Variants in DPY19L3 observed in about 807,000 individuals in gnomAD.
DPY19L3 encodes the protein protein C-mannosyl-transferase DPY19L3.
DPY19L3 carries 51 observed loss-of-function variants against 92.3 expected under a neutral mutation model. The observed-to-expected ratio is 0.55, with a 90% confidence interval of 0.44 to 0.70. The LOEUF is 0.70. DPY19L3 is among the 30% of genes least tolerant of loss of function. The pLI, the probability that DPY19L3 is intolerant of heterozygous loss-of-function variation, is 0.00. For missense variants in DPY19L3, 706 were observed against 855.9 expected, an observed-to-expected ratio of 0.82 and a Z score of 2.18; for synonymous variants, 309 against 315.2, an observed-to-expected ratio of 0.98 and a Z score of 0.21.
intron 18 of DPY19L3, chr19:32,480,867 G>A: frequency 2.1e-6 from 1 of 465,136 alleles, no homozygotes; most frequent in Non-Finnish European, 3.8e-6. Flanking sequence ...GGATTTTGCT[G>A]CTATAAACAA....
chr19:32,439,898 G>T lies in DPY19L3; in HGVS notation c.843G>T (p.Leu281=), dbSNP rs373066134. ...VLFTLDSLDM[L]PAVKATWLYG... ...TCACACTGGACTCCCTGGACATGCT[G>T]CCAGCAGTGAAGGTGAGCTTTGCTT... Residue 281 remains leucine (L), a synonymous_variant, in exon 8 of 19, where the codon CTG becomes CTT. Coordinates refer to ENST00000392250, the MANE Select transcript of DPY19L3 (RefSeq NM_001172774.2). 6.2e-7 allele frequency: 1 copy of T among 1,612,792 alleles called. No individual in the cohort carries two copies. The highest frequency in any genetic ancestry group is 1.1e-5 in the South Asian group (1 of 90,728).
chr19:32,433,826 G>A (rs1969048266), intron 4 of DPY19L3, among the ~76,000 whole-genome samples: 1 of 152,182 alleles, frequency 6.6e-6, no homozygotes, highest in South Asian at 2.1e-4. Flanking sequence ...TCCCTGTGAT[G>A]ATAGCCAGAT....
chr19:32,482,271 TACGG>T lies in DPY19L3; in HGVS notation c.*33_*36del. 1 of 1,597,876 alleles carries T rather than the reference TACGG, an allele frequency of 6.3e-7. No homozygotes were observed. Among genetic ancestry groups the T allele is most frequent in the Non-Finnish European group, 8.5e-7 (1 of 1,174,098 alleles). ...ATTTCTGCCCAGTGTCTATTTTTGA[TACGG>T]AGAAACTGCATCATGATGAAACTCA... On this transcript the variant is annotated 3_prime_UTR_variant, in exon 19 of 19. Coordinates refer to ENST00000392250, the MANE Select transcript of DPY19L3 (RefSeq NM_001172774.2).
chr19:32,423,402 A>ATTTTTTTTTTTTTTTTTTT (rs71176123), intron 3 of DPY19L3, among the ~76,000 whole-genome samples: 2 of 82,226 alleles, frequency 2.4e-5, no homozygotes, highest in African/African-American at 9.6e-5. Context: ...TGCCCAGCTA[A>ATTTTTTTTTTTTTTTTTTT]TTTTTTTTTT....
At chr19:32,462,564 C>G (rs890026771) in intron 12 of DPY19L3, among the ~76,000 whole-genome samples, 1 of 152,216 alleles carries the variant, frequency 6.6e-6, no homozygotes, top group South Asian at 2.1e-4. Context: ...TACAAGTTTA[C>G]AAGAAGCATG....
chr19:32,474,071 G>C (rs545625530), intron 16 of DPY19L3, among the ~76,000 whole-genome samples: 2 of 152,258 alleles, frequency 1.3e-5, no homozygotes, highest in South Asian at 4.1e-4. Flanking sequence ...CCAAAGTGTT[G>C]AGATTACAGG....
At chr19:32,439,037 C>G in intron 6 of DPY19L3, 75 bp from the exon 7 acceptor site, 1 of 1,508,134 alleles carries the variant, frequency 6.6e-7, no homozygotes, top group Non-Finnish European at 9.0e-7. Context: ...TGTAATATAT[C>G]TTTCGTTGAG....
intron 3 of DPY19L3, among the ~76,000 whole-genome samples, chr19:32,425,207 A>C (rs1968715815): frequency 6.6e-6 from 1 of 152,184 alleles, no homozygotes; most frequent in South Asian, 2.1e-4. Flanking sequence ...CATGATTAAA[A>C]ATAAATAAAT....
At chr19:32,409,179 GCAAAGAAAAA>G in intron 2 of DPY19L3, among the ~76,000 whole-genome samples, 2 of 152,152 alleles carry the variant, frequency 1.3e-5, no homozygotes, top group South Asian at 2.1e-4. Context: ...CTTAAACAAT[GCAAAGAAAAA>G]GAAATATACT....
chr19:32,451,717 C>T (rs903715109), intron 8 of DPY19L3, among the ~76,000 whole-genome samples: 3 of 152,100 alleles, frequency 2.0e-5, no homozygotes, highest in Non-Finnish European at 4.4e-5. Context: ...TGGCGTGTTT[C>T]GTGTATTCAA....
intron 10 of DPY19L3, among the ~76,000 whole-genome samples, chr19:32,456,640 C>T (rs1013569973): frequency 4.6e-5 from 7 of 151,958 alleles, no homozygotes; most frequent in Non-Finnish European, 1.0e-4. Flanking sequence ...TGTCATGTTG[C>T]CCAGGCTGGT....
chr19:32,443,496 T>C (rs1335842307), intron 8 of DPY19L3, among the ~76,000 whole-genome samples: 1 of 152,118 alleles, frequency 6.6e-6, no homozygotes, highest in Non-Finnish European at 1.5e-5. Context: ...CCTTTCACCA[T>C]GTGAGGAGGA....
At chr19:32,467,419 A>G in intron 15 of DPY19L3, 1 of 986,056 alleles carries the variant, frequency 1.0e-6, no homozygotes, top group African/African-American at 1.7e-5. Context: ...TCATTGAAAT[A>G]TTACAAAGGC....
chr19:32,406,035 G>T (rs1048460742), intron 1 of DPY19L3, 126 bp downstream of exon 1: 3 of 151,038 alleles, frequency 2.0e-5, no homozygotes, highest in Non-Finnish European at 4.4e-5. Context: ...GGCGCAGTCG[G>T]GGGGCGCGGC....
chr19:32,408,437 A>G, intron 2 of DPY19L3, 81 bp downstream of exon 2: 1 of 992,088 alleles, frequency 1.0e-6, no homozygotes, highest in Non-Finnish European at 1.5e-6. Context: ...TAGGATAAAA[A>G]TTTGGTGGGA....
intron 3 of DPY19L3, among the ~76,000 whole-genome samples, chr19:32,413,730 G>A (rs1411027377): frequency 6.6e-6 from 1 of 151,580 alleles, no homozygotes; most frequent in Admixed American, 6.6e-5. Context: ...TTTTTTGGGA[G>A]GAGCGGGGGC....
chr19:32,460,278 G>A (rs989595731), intron 12 of DPY19L3, among the ~76,000 whole-genome samples: 1 of 152,114 alleles, frequency 6.6e-6, no homozygotes. Flanking sequence ...AGGCACGATG[G>A]TGCAAACCTG....
chr19:32,429,295 T>C (rs1968881659), intron 3 of DPY19L3, among the ~76,000 whole-genome samples: 1 of 152,264 alleles, frequency 6.6e-6, no homozygotes, highest in Admixed American at 6.5e-5. Context: ...TTGCATTCTT[T>C]AGAGGATAAC....
chr19:32,468,541 A>C, intron 15 of DPY19L3, 190 bp from the exon 16 acceptor site: 1 of 1,239,082 alleles, frequency 8.1e-7, no homozygotes, highest in Non-Finnish European at 1.0e-6. Flanking sequence ...ATAATTTCAG[A>C]AACTTCCCAG....
Sources: allele counts gnomAD v4.1 joint callset (sites outside exome capture counted in the v4.1 genomes callset), GRCh38; gene constraint gnomAD v4.1.1; transcripts MANE v1.5; gene names NCBI Gene and HGNC (gene_info 2026-07-23, HGNC 2026-07-21).